CAMK1D: variants seen among roughly 807,000 people sequenced by gnomAD.
CAMK1D encodes the protein calcium/calmodulin-dependent protein kinase type 1D.
CAMK1D carries 9 observed loss-of-function variants against 47.7 expected under a neutral mutation model. That is an observed-to-expected ratio of 0.19 (90% CI 0.11 to 0.33). The LOEUF is 0.33. CAMK1D is among the 10% of genes least tolerant of loss of function. The pLI, the probability that CAMK1D is intolerant of heterozygous loss-of-function variation, is 1.00. For missense variants in CAMK1D, 291 were observed against 488.7 expected (o/e 0.60, Z 3.81); for synonymous variants, 184 against 184.9 (o/e 0.99, Z 0.04).
intron 1 of CAMK1D, among the ~76,000 whole-genome samples, chr10:12,496,498 C>T (rs540309470): frequency 2.0e-5 from 3 of 152,124 alleles, no homozygotes; most frequent in African/African-American, 7.2e-5. Flanking sequence ...AGAAGGGGCC[C>T]AGAGCTGACG....
At chr10:12,665,780 C>G (rs1840409607) in intron 2 of CAMK1D, among the ~76,000 whole-genome samples, 1 of 152,212 alleles carries the variant, frequency 6.6e-6, no homozygotes. Context: ...CTTGGTTATT[C>G]AGAGTGCAGT....
intron 1 of CAMK1D, among the ~76,000 whole-genome samples, chr10:12,534,830 C>T (rs1490866084): frequency 6.6e-6 from 1 of 152,096 alleles, no homozygotes; most frequent in Non-Finnish European, 1.5e-5. Context: ...GAGTCCTCTG[C>T]ATTTAGCAAG....
intron 3 of CAMK1D, among the ~76,000 whole-genome samples, chr10:12,725,812 A>G (rs1399193084): frequency 1.3e-5 from 2 of 152,124 alleles, no homozygotes; most frequent in East Asian, 3.9e-4. Flanking sequence ...GCTGGAGTGC[A>G]GTGGCATGAT....
intron 5 of CAMK1D, among the ~76,000 whole-genome samples, chr10:12,773,353 C>T (rs982399750): frequency 9.2e-5 from 14 of 152,152 alleles, no homozygotes; most frequent in African/African-American, 1.7e-4. Context: ...CTAGCATCCT[C>T]AGATGGTCGA....
chr10:12,546,570 A>G (rs1000822827), intron 1 of CAMK1D, among the ~76,000 whole-genome samples: 4 of 152,098 alleles, frequency 2.6e-5, no homozygotes, highest in Admixed American at 2.6e-4. Flanking sequence ...CAAATGTCCA[A>G]CAATGATAGA....
chr10:12,487,543 G>A (rs921009378), intron 1 of CAMK1D, among the ~76,000 whole-genome samples: 1 of 152,216 alleles, frequency 6.6e-6, no homozygotes, highest in African/African-American at 2.4e-5. Context: ...GTTGATTTGA[G>A]TTTGATTTTA....
chr10:12,637,696 TAC>T (rs1839548158), intron 2 of CAMK1D, among the ~76,000 whole-genome samples: 2 of 152,144 alleles, frequency 1.3e-5, no homozygotes, highest in Non-Finnish European at 2.9e-5. Context: ...TCTTAGAAGA[TAC>T]AGTCTGTTGA....
At chr10:12,407,513 C>T (rs1004513886) in intron 1 of CAMK1D, among the ~76,000 whole-genome samples, 7 of 152,186 alleles carry the variant, frequency 4.6e-5, no homozygotes, top group African/African-American at 1.7e-4. Context: ...ACTCTAGGTC[C>T]CTTCTCTCCA....
At chr10:12,650,567 C>A (rs146281991) in intron 2 of CAMK1D, among the ~76,000 whole-genome samples, 1 of 152,254 alleles carries the variant, frequency 6.6e-6, no homozygotes, top group Non-Finnish European at 1.5e-5. Context: ...GGTGTCTGCA[C>A]ACAACGTGCC....
At chr10:12,613,146 G>C (rs1381448055) in intron 2 of CAMK1D, among the ~76,000 whole-genome samples, 1 of 152,178 alleles carries the variant, frequency 6.6e-6, no homozygotes, top group Non-Finnish European at 1.5e-5. Flanking sequence ...GCATCCTTAA[G>C]CTCTTCTTCT....
At chr10:12,784,404 G>T (rs963150886) in intron 5 of CAMK1D, among the ~76,000 whole-genome samples, 2 of 152,050 alleles carry the variant, frequency 1.3e-5, no homozygotes, top group African/African-American at 4.8e-5. Context: ...CACCTTGTTG[G>T]TCAGGCTGGT....
intron 3 of CAMK1D, among the ~76,000 whole-genome samples, chr10:12,750,812 A>G (rs1464883244): frequency 1.3e-5 from 2 of 152,158 alleles, no homozygotes; most frequent in Non-Finnish European, 2.9e-5. Context: ...GCACTTTGGG[A>G]GTCTGAGGTG....
At chr10:12,355,124 C>T (rs779920749) in intron 1 of CAMK1D, among the ~76,000 whole-genome samples, 6 of 152,012 alleles carry the variant, frequency 3.9e-5, no homozygotes, top group South Asian at 2.1e-4. Flanking sequence ...ATGACAGGCA[C>T]GGGCCACTGC....
chr10:12,361,502 C>G (rs555941825), intron 1 of CAMK1D, among the ~76,000 whole-genome samples: 1 of 148,902 alleles, frequency 6.7e-6, no homozygotes, highest in African/African-American at 2.5e-5. Flanking sequence ...GCCTTGGCCT[C>G]CCAAAGTGCT....
intron 2 of CAMK1D, among the ~76,000 whole-genome samples, chr10:12,568,620 T>A (rs981178805): frequency 6.6e-6 from 1 of 150,582 alleles, no homozygotes; most frequent in Non-Finnish European, 1.5e-5. Context: ...TTCTTTTTTT[T>A]ATTCATCTTT....
chr10:12,570,674 C>A (rs1160902898), intron 2 of CAMK1D, among the ~76,000 whole-genome samples: 3 of 132,462 alleles, frequency 2.3e-5, no homozygotes, highest in African/African-American at 6.4e-5. Context: ...AAGTGAAACT[C>A]CATCTCAAAA....
chr10:12,710,829 G>A (rs574394337), intron 3 of CAMK1D, among the ~76,000 whole-genome samples: 28 of 152,202 alleles, frequency 1.8e-4, no homozygotes, highest in African/African-American at 6.7e-4. Context: ...CAACCCCACC[G>A]GCGATATGTA....
At chr10:12,360,165 T>C (rs1476065718) in intron 1 of CAMK1D, among the ~76,000 whole-genome samples, 3 of 152,202 alleles carry the variant, frequency 2.0e-5, no homozygotes, top group African/African-American at 4.8e-5. Context: ...GACCTTTCTC[T>C]CTCTTTCATG....
rs373235925 is a variant in CAMK1D at position 12,642,179 on chromosome 10, C to T, written c.225-24557C>T. The stretch of plus-strand genomic sequence containing the variant: ...CAGCAAAAGGCGGCACAGGTGAAAT[C>T]GGGCTGCGTGATGACGCATCATGCT... On this transcript the variant is annotated intron_variant, in intron 2 of 10. Coordinates refer to ENST00000619168, the MANE Select transcript of CAMK1D (RefSeq NM_153498.4). Among the ~76,000 whole-genome samples the T allele has an allele frequency of 1.9e-3, 283 of 152,218 alleles. 3 individuals are homozygous for T. Among genetic ancestry groups the T allele is most frequent in the African/African-American group, 6.5e-3 (268 of 41,510 alleles).
Sources: allele counts gnomAD v4.1 joint callset (sites outside exome capture counted in the v4.1 genomes callset), GRCh38; gene constraint gnomAD v4.1.1; transcripts MANE v1.5; gene names NCBI Gene and HGNC (gene_info 2026-07-23, HGNC 2026-07-21).